Variants in BRD10 observed in about 807,000 individuals in gnomAD.
BRD10 encodes the protein bromodomain containing 10, also known as uncharacterized bromodomain-containing protein 10.
the BRD10 span, among the ~76,000 whole-genome samples, chr9:5,948,039 G>A: frequency 1.3e-5 from 2 of 152,096 alleles, no homozygotes; most frequent in East Asian, 1.9e-4. Context: ...TACAAGAAGA[G>A]TTTTATCTCC....
chr9:6,007,950 C>CT, the BRD10 span: 4 of 1,310,656 alleles, frequency 3.1e-6, no homozygotes, highest in Non-Finnish European at 3.9e-6. Context: ...GCGCGGGGGT[C>CT]TTGAGCTCAC....
chr9:5,945,787 T>TA, the BRD10 span, among the ~76,000 whole-genome samples: 1 of 151,880 alleles, frequency 6.6e-6, no homozygotes, highest in Admixed American at 6.6e-5. Flanking sequence ...TTAAGCTATT[T>TA]AAAAAAAATT....
At chr9:5,943,545 T>TAAAAAAA in the BRD10 span, among the ~76,000 whole-genome samples, 1 of 98,118 alleles carries the variant, frequency 1.0e-5, no homozygotes, top group African/African-American at 3.4e-5. Flanking sequence ...GCATAAAACA[T>TAAAAAAA]AAAAAAAAAA....
the BRD10 span, chr9:5,908,679 G>A: frequency 6.2e-6 from 10 of 1,613,914 alleles, no homozygotes; most frequent in African/African-American, 1.3e-5. Flanking sequence ...ACTCTCTGCA[G>A]AACAGTCACC....
chr9:5,925,664 A>G, the BRD10 span, among the ~76,000 whole-genome samples: 1 of 152,170 alleles, frequency 6.6e-6, no homozygotes, highest in East Asian at 1.9e-4. Flanking sequence ...ATTGTATCTA[A>G]ACCTTTCAAT....
At chr9:5,962,264 A>G in the BRD10 span, among the ~76,000 whole-genome samples, 1 of 147,362 alleles carries the variant, frequency 6.8e-6, no homozygotes, top group African/African-American at 2.5e-5. Context: ...CTACCATCAG[A>G]GAATACTACA....
At chr9:5,892,595 T>C in the BRD10 span, 1 of 1,560,536 alleles carries the variant, frequency 6.4e-7, no homozygotes. Context: ...GTTTGCCGTT[T>C]GCTGACACAG....
the BRD10 span, chr9:5,921,080 A>C: frequency 6.2e-7 from 1 of 1,613,920 alleles, no homozygotes; most frequent in Non-Finnish European, 8.5e-7. Context: ...TGATTCATTA[A>C]CAGGGGTAAT....
At chr9:5,889,539 C>A in the BRD10 span, among the ~76,000 whole-genome samples, 1 of 152,188 alleles carries the variant, frequency 6.6e-6, no homozygotes, top group Non-Finnish European at 1.5e-5. Context: ...GTAATCCCAG[C>A]ACTTTGGGAG....
chr9:6,007,925 G>A, the BRD10 span: 3 of 1,332,768 alleles, frequency 2.3e-6, no homozygotes, highest in Non-Finnish European at 2.9e-6. Context: ...CTCAGCCGCC[G>A]GCTCGGCTCG....
At chr9:5,882,016 A>G in the BRD10 span, among the ~76,000 whole-genome samples, 2 of 152,210 alleles carry the variant, frequency 1.3e-5, no homozygotes, top group African/African-American at 2.4e-5. Context: ...TAGGATGAGA[A>G]TATGAACGGG....
the BRD10 span, among the ~76,000 whole-genome samples, chr9:5,902,452 TTTTC>T: frequency 4.6e-5 from 7 of 151,976 alleles, no homozygotes; most frequent in African/African-American, 7.3e-5. Flanking sequence ...ACTGACTTTT[TTTTC>T]TTTCTTTCTT....
chr9:5,881,382 G>A, the BRD10 span, among the ~76,000 whole-genome samples: 1 of 152,196 alleles, frequency 6.6e-6, no homozygotes, highest in South Asian at 2.1e-4. Context: ...AGGGAAGACT[G>A]GAAAAAGTGC....
chr9:5,919,577 C>G, the BRD10 span: 1 of 969,260 alleles, frequency 1.0e-6, no homozygotes, highest in Non-Finnish European at 1.5e-6. Context: ...CACACACACA[C>G]ACACACAATG....
At chr9:6,007,962 G>A in the BRD10 span, 3 of 1,296,250 alleles carry the variant, frequency 2.3e-6, no homozygotes, top group Non-Finnish European at 2.9e-6. Context: ...TGAGCTCACC[G>A]CCGGCGGGGC....
At chr9:5,905,578 A>C in the BRD10 span, among the ~76,000 whole-genome samples, 1 of 152,208 alleles carries the variant, frequency 6.6e-6, no homozygotes, top group Non-Finnish European at 1.5e-5. Context: ...CACATGACAG[A>C]TTGCAGACTC....
the BRD10 span, among the ~76,000 whole-genome samples, chr9:5,914,303 ATAATT>A: frequency 2.0e-5 from 3 of 151,974 alleles, no homozygotes; most frequent in Admixed American, 1.3e-4. Flanking sequence ...TCCTTACTTA[ATAATT>A]TAATCTCTTT....
chr9:5,937,334 C>T, the BRD10 span, among the ~76,000 whole-genome samples: 3 of 151,524 alleles, frequency 2.0e-5, no homozygotes, highest in Non-Finnish European at 4.4e-5. Context: ...GTCAGGGGTT[C>T]GAGACCAGCC....
At chr9:5,921,471 TAAA>T in the BRD10 span, 1 of 1,613,970 alleles carries the variant, frequency 6.2e-7, no homozygotes, top group Admixed American at 1.7e-5. Flanking sequence ...GGGGCATTAA[TAAA>T]AACTAATTTC....
Sources: gnomAD v4.1 joint callset for allele counts (sites outside exome capture counted in the v4.1 genomes callset) on GRCh38, gnomAD v4.1.1 for gene constraint, MANE v1.5 for transcripts, NCBI Gene and HGNC (gene_info 2026-07-23, HGNC 2026-07-21) for gene names.